The following DGKA variants were observed in gnomAD, a reference collection of about 807,000 sequenced individuals.
DGKA encodes diacylglycerol kinase alpha.
A neutral mutation model predicts 105.0 loss-of-function variants in DGKA; 35 were observed. The ratio of observed to expected loss-of-function variants is 0.33; its 90% confidence interval spans 0.25 to 0.44. DGKA has a LOEUF of 0.44. Ranked by LOEUF, DGKA falls within the 20% of genes least tolerant of loss-of-function variation. DGKA has a pLI of 1.00. For synonymous variants in DGKA, 296 were observed against 332.0 expected, an observed-to-expected ratio of 0.89 and a Z score of 1.18; for missense variants, 665 against 915.0, an observed-to-expected ratio of 0.73 and a Z score of 3.53.
At chr12:55,934,478 G>A (rs1296019465) in intron 1 of DGKA, among the ~76,000 whole-genome samples, 1 of 152,176 alleles carries the variant, frequency 6.6e-6, no homozygotes, top group African/African-American at 2.4e-5. Flanking sequence ...TGCTGGAATA[G>A]GAATGGTGTG....
chr12:55,930,357 GTTTTTTTTTTT>G (rs1156510868), upstream of DGKA: 2 of 71,790 alleles, frequency 2.8e-5, no homozygotes, highest in African/African-American at 5.5e-5. Flanking sequence ...CAAGGGCCTT[GTTTTTTTTTTT>G]TTTTTTTTTT....
intron 5 of DGKA, 134 bp downstream of exon 5, chr12:55,938,186 C>A: frequency 2.5e-6 from 2 of 810,084 alleles, no homozygotes; most frequent in Non-Finnish European, 4.0e-6. Flanking sequence ...AGAGAATGAG[C>A]CCATTTCCTG....
intron 17 of DGKA, among the ~76,000 whole-genome samples, chr12:55,948,820 G>A (rs112631540): frequency 0.047 from 7,169 of 151,734 alleles, 562 homozygotes; most frequent in African/African-American, 0.17. Context: ...TCAGGAGATC[G>A]AGACCATCCT....
At position 55,937,030 on chromosome 12, in the gene DGKA, G is replaced by T; in HGVS notation, c.78G>T (p.Lys26Asn). ...LQKYMEYSTKKVSDVLKLFED... is the reference protein window; with the variant it reads ...LQKYMEYSTKNVSDVLKLFED... ...TCTACACCCTAGACTCCACCAAAAAGGTCAGTGATGTCCTAAAGCTCTTCG... is the reference window on the plus strand; with the variant it reads ...TCTACACCCTAGACTCCACCAAAAATGTCAGTGATGTCCTAAAGCTCTTCG... Residue 26 changes from lysine to asparagine, a missense_variant, in exon 3 of 24, where the codon AAG (lysine) becomes AAT (asparagine). Around this residue, in one of 3 missense-constraint regions of DGKA, gnomAD observed 504 missense variants for 681.2 expected, o/e 0.74. Coordinates refer to ENST00000331886, the MANE Select transcript of DGKA (RefSeq NM_001345.5). 1 of 1,614,090 alleles carries T rather than the reference G, an allele frequency of 6.2e-7. No homozygotes were observed. Among genetic ancestry groups the T allele is most frequent in the Non-Finnish European group, 8.5e-7 (1 of 1,180,014 alleles).
chr12:55,949,431 T>C (rs1411943367), intron 17 of DGKA, among the ~76,000 whole-genome samples: 1 of 152,166 alleles, frequency 6.6e-6, no homozygotes, highest in African/African-American at 2.4e-5. Context: ...ACTCCTGACC[T>C]TAGGTGATCT....
chr12:55,930,416 G>C (rs1883420471), upstream of DGKA: 1 of 144,192 alleles, frequency 6.9e-6, no homozygotes, highest in Non-Finnish European at 1.5e-5. Flanking sequence ...ACCCAGGCTG[G>C]AGTGCAGTGG....
At chr12:55,953,528 T>C in intron 23 of DGKA, 118 bp downstream of exon 23, 1 of 1,354,230 alleles carries the variant, frequency 7.4e-7, no homozygotes. Context: ...ACATCATTCA[T>C]CCTAAACCCT....
Position 55,952,571 on chromosome 12 carries a change from C to A in DGKA, c.1743+140C>A. ...TCCCAGCTCTCCTACCCCAATTCTC[C>A]AAGTCCTCAAGATACACTAGTCCCT... On this transcript the variant is annotated intron_variant, in intron 20 of 23. Coordinates refer to ENST00000331886, the MANE Select transcript of DGKA (RefSeq NM_001345.5). The surrounding 1 kb of genome is among the most constrained non-coding windows in gnomAD (Gnocchi z 5.1). 3 of 1,166,830 alleles carry A rather than the reference C, an allele frequency of 2.6e-6. No homozygotes were observed. The highest frequency in any genetic ancestry group is 2.5e-6 in the Non-Finnish European group (2 of 794,134). 72.3% of individuals were successfully genotyped at this position (1,166,830 alleles called of 1,614,324 possible).
chr12:55,939,217 A>C lies in DGKA; in HGVS notation c.506A>C (p.Tyr169Ser). The C allele has an allele frequency of 1.2e-6, 2 of 1,614,190 alleles. No individual in the cohort carries two copies. Among genetic ancestry groups the C allele is most frequent in the Non-Finnish European group, 1.7e-6 (2 of 1,180,040 alleles). The change falls in exon 8 of 24, where the codon TAT becomes TCT. Residue 169 changes from tyrosine to serine, a missense_variant. Physicochemically the swap from Tyr to Ser is moderately radical, Grantham distance 144. Coordinates refer to ENST00000331886, the MANE Select transcript of DGKA (RefSeq NM_001345.5). Reference protein sequence around the residue: ...ILQEMMKEIDYDGSGSVSQAE... With the variant: ...ILQEMMKEIDSDGSGSVSQAE... ...CAGGAGATGATGAAAGAGATTGACTATGATGGCAGTGGCTCTGTCTCTCAA... is the reference window on the plus strand; with the variant it reads ...CAGGAGATGATGAAAGAGATTGACTCTGATGGCAGTGGCTCTGTCTCTCAA...
intron 17 of DGKA, among the ~76,000 whole-genome samples, chr12:55,944,345 A>G (rs994679878): frequency 6.6e-6 from 1 of 152,210 alleles, no homozygotes; most frequent in Non-Finnish European, 1.5e-5. Context: ...ATGGTGGCAC[A>G]TGCCTATAGT....
chr12:55,938,171 G>A, intron 5 of DGKA, 119 bp downstream of exon 5: 1 of 937,938 alleles, frequency 1.1e-6, no homozygotes, highest in Non-Finnish European at 1.6e-6. Context: ...GACAAAGGTG[G>A]GGCCAGAGAA....
chr12:55,937,766 G>A (rs749210930), intron 4 of DGKA, among the ~76,000 whole-genome samples: 15 of 152,126 alleles, frequency 9.9e-5, no homozygotes, highest in Non-Finnish European at 1.6e-4. Flanking sequence ...GGGAAGCTGA[G>A]GTGGGAGGAT....
rs372105083 is a variant in DGKA, at chr12:55,939,486, C to T, written c.666C>T (p.Cys222=). The change falls in exon 9 of 24, where the codon TGC becomes TGT. Residue 222 remains cysteine, a synonymous_variant. Coordinates refer to ENST00000331886, the MANE Select transcript of DGKA (RefSeq NM_001345.5). ...RFPRPVYCNL[C]ESSIGLGKQG... ...CCAGACCAGTCTACTGCAATCTGTG[C>T]GAGTCAAGCATTGGTCTTGGCAAAC... 5.6e-6 allele frequency: 9 copies of T among 1,614,046 alleles called. No homozygotes were observed. Among genetic ancestry groups the T allele is most frequent in the Non-Finnish European group, 7.6e-6 (9 of 1,180,042 alleles).
intron 15 of DGKA, among the ~76,000 whole-genome samples, 170 bp downstream of exon 15, chr12:55,941,754 G>A (rs1189604532): frequency 1.3e-5 from 2 of 152,124 alleles, no homozygotes; most frequent in East Asian, 3.9e-4. Flanking sequence ...CCCATCCTCC[G>A]AGCTCTCTGG....
chr12:55,928,283 T>C (rs1883237077), upstream of DGKA: 2 of 153,296 alleles, frequency 1.3e-5, no homozygotes, highest in African/African-American at 4.8e-5. Flanking sequence ...ATCCCCACTT[T>C]GGCTTAGTTT....
At chr12:55,937,217 T>C (rs2136308490) in intron 3 of DGKA, 127 bp downstream of exon 3, 2 of 1,240,338 alleles carry the variant, frequency 1.6e-6, no homozygotes, top group Middle Eastern at 2.0e-4. Context: ...TAGTGTCCAT[T>C]GTCACTCTGA....
chr12:55,942,452 A>C, intron 17 of DGKA, 189 bp downstream of exon 17: 1 of 588,862 alleles, frequency 1.7e-6, no homozygotes, highest in Non-Finnish European at 3.0e-6. Flanking sequence ...CACAATCTGA[A>C]CCTAGAAGGG....
intron 1 of DGKA, chr12:55,936,222 G>A: frequency 1.7e-6 from 1 of 600,394 alleles, no homozygotes; most frequent in Non-Finnish European, 2.5e-6. Flanking sequence ...CAGAGAAACA[G>A]AGACAGAGGA....
rs1455040793 is a variant in DGKA at position 55,940,567 on chromosome 12, G to C, written c.919-57G>C. On this transcript the variant is annotated intron_variant, in intron 11 of 23. Transcript: ENST00000331886. This position sits in a 1 kb window ranked among gnomAD's most constrained non-coding sequence, Gnocchi z 4.3. ...GGGCTCTTTCCAGCCCAGACTGCCA[G>C]GTTGAGAGGAGACAGGGTTACCTTC... The C allele has an allele frequency of 6.4e-7, 1 of 1,556,014 alleles. No individual in the cohort carries two copies. Among genetic ancestry groups the C allele is most frequent in the Non-Finnish European group, 8.7e-7 (1 of 1,152,042 alleles).
Sources: allele counts gnomAD v4.1 joint callset (sites outside exome capture counted in the v4.1 genomes callset), GRCh38; gene constraint gnomAD v4.1.1; regional missense constraint gnomAD v4.1.1; non-coding constraint Gnocchi (gnomAD v3.1); transcripts MANE v1.5; gene names NCBI Gene and HGNC (gene_info 2026-07-23, HGNC 2026-07-21).